The following DPF3 variants were observed in gnomAD, a reference collection of about 807,000 sequenced individuals.
DPF3 encodes the protein double PHD fingers 3.
Under a neutral mutation model 56.8 loss-of-function variants are expected in DPF3, and 18 were observed. That is an observed-to-expected ratio of 0.32 (90% CI 0.22 to 0.47). DPF3 has a LOEUF of 0.47. DPF3 is among the 20% of genes least tolerant of loss of function. DPF3 has a pLI of 1.00. For synonymous variants in DPF3, 188 were observed against 180.2 expected (o/e 1.04, Z -0.35); for missense variants, 403 against 488.8 (o/e 0.82, Z 1.65).
At chr14:72,705,497 C>A (rs1888362508) in intron 6 of DPF3, among the ~76,000 whole-genome samples, 1 of 152,090 alleles carries the variant, frequency 6.6e-6, no homozygotes, top group Non-Finnish European at 1.5e-5. Flanking sequence ...CCAAAACCTG[C>A]CCTCCGCCCC....
intron 8 of DPF3, chr14:72,661,871 T>C: frequency 1.1e-6 from 1 of 876,438 alleles, no homozygotes; most frequent in Admixed American, 7.5e-5. Flanking sequence ...TTTTTTTTTT[T>C]TTTTGCTGCA....
intron 8 of DPF3, chr14:72,671,062 T>A (rs1886651160): frequency 4.6e-6 from 7 of 1,536,772 alleles, no homozygotes; most frequent in African/African-American, 2.8e-5. Context: ...TTAAAAAAAA[T>A]ATATATCAGA....
chr14:72,779,096 T>C (rs1891865481), intron 1 of DPF3, among the ~76,000 whole-genome samples: 1 of 152,186 alleles, frequency 6.6e-6, no homozygotes, highest in Non-Finnish European at 1.5e-5. Flanking sequence ...GCCTGGCACA[T>C]AACAGGTGCC....
At chr14:72,702,090 C>T (rs868539975) in intron 6 of DPF3, among the ~76,000 whole-genome samples, 1 of 152,144 alleles carries the variant, frequency 6.6e-6, no homozygotes, top group African/African-American at 2.4e-5. Context: ...ATGGCACAGC[C>T]AGAGTTTGAG....
At chr14:72,684,154 C>T (rs371023626) in intron 7 of DPF3, among the ~76,000 whole-genome samples, 16 of 152,164 alleles carry the variant, frequency 1.1e-4, no homozygotes, top group Non-Finnish European at 2.1e-4. Flanking sequence ...TCAAGCAACC[C>T]TCCCACCTCA....
intron 1 of DPF3, among the ~76,000 whole-genome samples, chr14:72,782,782 G>A (rs1458568522): frequency 3.9e-5 from 6 of 152,090 alleles, no homozygotes; most frequent in East Asian, 1.9e-4. Flanking sequence ...GCAGTGAGCC[G>A]AGATTGCACC....
chr14:72,668,645 G>C (rs2153570080), intron 8 of DPF3, among the ~76,000 whole-genome samples: 1 of 151,940 alleles, frequency 6.6e-6, no homozygotes, highest in South Asian at 2.1e-4. Flanking sequence ...TCTGAAATTA[G>C]GTAGCCTTTT....
intron 8 of DPF3, among the ~76,000 whole-genome samples, chr14:72,659,174 T>C (rs1886135422): frequency 1.3e-5 from 2 of 152,124 alleles, no homozygotes; most frequent in Admixed American, 1.3e-4. Flanking sequence ...CTGTTCCACA[T>C]CTCTCTGGCA....
intron 8 of DPF3, among the ~76,000 whole-genome samples, chr14:72,634,008 G>A (rs1018080526): frequency 6.6e-6 from 1 of 152,178 alleles, no homozygotes; most frequent in African/African-American, 2.4e-5. Flanking sequence ...TCTTGAGAAA[G>A]TCATCAGCCT....
intron 1 of DPF3, among the ~76,000 whole-genome samples, chr14:72,864,297 A>G (rs1885573199): frequency 6.6e-6 from 1 of 151,904 alleles, no homozygotes; most frequent in African/African-American, 2.4e-5. Context: ...CAGTGAAGCC[A>G]CCTCTCGCAC....
intron 1 of DPF3, among the ~76,000 whole-genome samples, chr14:72,855,129 AGG>A (rs1885127526): frequency 6.6e-6 from 1 of 152,214 alleles, no homozygotes; most frequent in South Asian, 2.1e-4. Context: ...TGAGAGGCCT[AGG>A]GCCCAGCTTC....
intron 1 of DPF3, 83 bp from the exon 2 acceptor site, chr14:72,771,976 C>T (rs1891552221): frequency 7.4e-7 from 1 of 1,351,922 alleles, no homozygotes; most frequent in Non-Finnish European, 9.5e-7. Flanking sequence ...GGGAAACACA[C>T]CTCCCTGGAA....
rs538962996 is a variant in DPF3 at position 72,609,426 on chromosome 14, A to T, written c.*9871T>A. Among the ~76,000 whole-genome samples the T allele has an allele frequency of 1.4e-3, 214 of 152,238 alleles. 2 individuals are homozygous for T. Among genetic ancestry groups the T allele is most frequent in the Middle Eastern group, 0.014 (4 of 294 alleles). On this transcript the variant is annotated 3_prime_UTR_variant, in exon 11 of 11. Coordinates refer to ENST00000556509, the MANE Select transcript of DPF3 (RefSeq NM_001280542.3). The stretch of plus-strand genomic sequence containing the variant: ...TTCCAATCTGTAGGTTCTCCTGGAG[A>T]TTGTCACAATCTGCCAGCTCTCTGG...
At chr14:72,676,757 GA>G (rs1245085008) in intron 7 of DPF3, among the ~76,000 whole-genome samples, 1 of 152,188 alleles carries the variant, frequency 6.6e-6, no homozygotes, top group Non-Finnish European at 1.5e-5. Context: ...CCGTGATTGT[GA>G]GGCCTCCCCA....
Position 72,612,444 on chromosome 14 carries a change from A to C in DPF3, c.*6853T>G, listed in dbSNP as rs1228551437. ...GTGTTTCTGTCCTTTTTTTTTTTCT[A>C]GTACCTAATTTAGGCTTCTTCAACT... On this transcript the variant is annotated 3_prime_UTR_variant, in exon 11 of 11. Transcript: ENST00000556509. The C allele has an allele frequency of 1.2e-5, 6 of 499,046 alleles. No individual in the cohort carries two copies. Among genetic ancestry groups the C allele is most frequent in the Non-Finnish European group, 2.4e-5 (6 of 252,730 alleles). 30.9% of individuals were successfully genotyped at this position (499,046 alleles called of 1,614,324 possible).
intron 2 of DPF3, among the ~76,000 whole-genome samples, chr14:72,767,755 T>A (rs1599423644): frequency 3.3e-5 from 3 of 89,670 alleles, no homozygotes; most frequent in African/African-American, 4.5e-5. Context: ...AATTCCCAAA[T>A]TTGGCAAAAA....
chr14:72,767,732 A>T, intron 2 of DPF3, among the ~76,000 whole-genome samples: 1 of 148,996 alleles, frequency 6.7e-6, no homozygotes, highest in East Asian at 2.0e-4. Flanking sequence ...ATTCAAAGAA[A>T]TAATGGCTGA....
chr14:72,634,585 G>A (rs1440881773), intron 8 of DPF3, among the ~76,000 whole-genome samples: 1 of 152,048 alleles, frequency 6.6e-6, no homozygotes, highest in Non-Finnish European at 1.5e-5. Flanking sequence ...TAATACTTAT[G>A]GTCACTTGAT....
chr14:72,798,829 T>C (rs1892743179), intron 1 of DPF3, among the ~76,000 whole-genome samples: 1 of 152,242 alleles, frequency 6.6e-6, no homozygotes, highest in African/African-American at 2.4e-5. Flanking sequence ...ATCCTTCATC[T>C]TGGCAACTCC....
Sources: allele counts gnomAD v4.1 joint callset (sites outside exome capture counted in the v4.1 genomes callset), GRCh38; gene constraint gnomAD v4.1.1; transcripts MANE v1.5; gene names NCBI Gene and HGNC (gene_info 2026-07-23, HGNC 2026-07-21).